The following DCHS1 variants were observed in gnomAD, a reference collection of about 807,000 sequenced individuals.
The protein encoded by DCHS1 is protocadherin-16.
In DCHS1, 78 loss-of-function variants were observed where a neutral mutation model predicts 213.9. The observed-to-expected ratio is 0.36, with a 90% CI of 0.30 to 0.44. The LOEUF (loss-of-function observed/expected upper bound fraction) is 0.44, where lower values mean the gene tolerates loss of function less well. Among genes scored for constraint, DCHS1 ranks in the 20% least tolerant of loss-of-function variants. The pLI is 1.00. For missense variants in DCHS1, 3,946 were observed against 4,395.9 expected (o/e 0.90, Z 2.89); for synonymous variants, 1,828 against 1,873.7 (o/e 0.98, Z 0.63).
At chr11:6,647,876 AG>A in intron 1 of DCHS1, among the ~76,000 whole-genome samples, 1 of 152,314 alleles carries the variant, frequency 6.6e-6, no homozygotes, top group Middle Eastern at 3.4e-3. Flanking sequence ...GTGAAGAATG[AG>A]GCCTCTGGGA....
chr11:6,631,857 A>C, intron 6 of DCHS1, 48 bp from the exon 7 acceptor site: 1 of 1,486,342 alleles, frequency 6.7e-7, no homozygotes, highest in Admixed American at 2.3e-5. Context: ...AAGGATGCAG[A>C]GCCTGAGGCC....
chr11:6,624,924 T>C (rs1032330149), intron 19 of DCHS1, 56 bp from the exon 20 acceptor site: 18 of 1,603,740 alleles, frequency 1.1e-5, no homozygotes, highest in Middle Eastern at 1.7e-4. Flanking sequence ...CTGCTGTCCA[T>C]GCAGCCTGTT....
At chr11:6,655,418 G>A in intron 1 of DCHS1, 145 bp downstream of exon 1, 2 of 396,896 alleles carry the variant, frequency 5.0e-6, no homozygotes, top group Non-Finnish European at 6.8e-6. Flanking sequence ...ACGCCCGCCC[G>A]GGTCCCGCAG....
intron 2 of DCHS1, among the ~76,000 whole-genome samples, chr11:6,638,486 A>G (rs1293546425): frequency 3.3e-5 from 5 of 152,208 alleles, no homozygotes; most frequent in Non-Finnish European, 7.3e-5. Flanking sequence ...CAGCCTGAAC[A>G]ATACAGTCTC....
intron 1 of DCHS1, among the ~76,000 whole-genome samples, chr11:6,652,907 C>G (rs1011042384): frequency 5.3e-5 from 8 of 152,180 alleles, no homozygotes; most frequent in Non-Finnish European, 8.8e-5. Context: ...TCTCTCCGGC[C>G]ACTACTCCAG....
intron 12 of DCHS1, among the ~76,000 whole-genome samples, chr11:6,629,240 G>C (rs1855861009): frequency 6.6e-6 from 1 of 152,348 alleles, no homozygotes; most frequent in South Asian, 2.1e-4. Context: ...ATGCATTTTA[G>C]AATTTGTACG....
rs1855887411 is a variant in DCHS1 at position 6,630,513 on chromosome 11, C to A, written c.4281G>T (p.Gln1427His). ...AGGCGGGCGCATGCTCATTCTCGTCCTGCACTTGCACCTGCACTCGCAGCA... is the reference window on the plus strand; with the variant it reads ...AGGCGGGCGCATGCTCATTCTCGTCATGCACTTGCACCTGCACTCGCAGCA... ...ARLLRVQVQV[Q>H]DENEHAPAFA... The change falls in exon 10 of 21, where the codon CAG becomes CAT. Residue 1427 changes from glutamine (Q) to histidine (H), a missense_variant. By Grantham distance (24) the Gln-to-His change is conservative. Coordinates refer to ENST00000299441, the MANE Select transcript of DCHS1 (RefSeq NM_003737.4). 1 of 1,539,756 alleles carries A rather than the reference C, an allele frequency of 6.5e-7. No homozygotes were observed. The highest frequency in any genetic ancestry group is 1.4e-5 in the African/African-American group (1 of 71,802).
chr11:6,622,660 T>C lies in DCHS1; in HGVS notation c.9016A>G (p.Thr3006Ala). Residue 3006 changes from threonine to alanine, a missense_variant, in exon 21 of 21, where the codon ACT (threonine) becomes GCT (alanine). Coordinates refer to ENST00000299441, the MANE Select transcript of DCHS1 (RefSeq NM_003737.4). This position sits in a 1 kb window ranked among gnomAD's most constrained non-coding sequence, Gnocchi z 5.4. ...CCTGGCCCACCATAGCTGGGAAGAG[T>C]CTGGTGATAGAGGTGCTCAGAGGGT... Reference protein sequence around the residue: ...PPPSEHLYHQTLPSYGGPGAG... With the variant: ...PPPSEHLYHQALPSYGGPGAG... 6.3e-7 allele frequency: 1 copy of C among 1,592,906 alleles called. No homozygotes were observed. Among genetic ancestry groups the C allele is most frequent in the South Asian group, 1.1e-5 (1 of 87,436 alleles).
chr11:6,654,917 CG>C (rs1343056026), intron 1 of DCHS1, among the ~76,000 whole-genome samples: 1 of 152,106 alleles, frequency 6.6e-6, no homozygotes, highest in Non-Finnish European at 1.5e-5. Flanking sequence ...GTCCCCTGCA[CG>C]GGATTCTGAG....
chr11:6,626,898 A>C lies in DCHS1; in HGVS notation c.6141T>G (p.Ala2047=). The C allele has an allele frequency of 6.2e-7, 1 of 1,613,482 alleles. No homozygotes were observed. Among genetic ancestry groups the C allele is most frequent in the Non-Finnish European group, 8.5e-7 (1 of 1,179,874 alleles). ...FIVATDLGRP[A]RSATGVIIVG... ...CAATGATCACACCAGTGGCAGAGCG[A>C]GCTGGACGGCCAAGATCAGTGGCCA... The change falls in exon 14 of 21, where the codon GCT becomes GCG. Residue 2047 remains alanine, a synonymous_variant. Coordinates refer to ENST00000299441, the MANE Select transcript of DCHS1 (RefSeq NM_003737.4). The surrounding 1 kb of genome is among the most constrained non-coding windows in gnomAD (Gnocchi z 5.2).
In DCHS1 at chr11:6,628,578, G is replaced by A; in HGVS notation, c.5371+43C>T. Reference sequence around the variant, plus strand: ...AGCAGCCAAGAAGGAGCAAGAACCAGGCAAGTGGGTGCTGAATTAAGTGGG... The same window carrying A: ...AGCAGCCAAGAAGGAGCAAGAACCAAGCAAGTGGGTGCTGAATTAAGTGGG... On this transcript the variant is annotated intron_variant, in intron 13 of 20. Coordinates refer to ENST00000299441, the MANE Select transcript of DCHS1 (RefSeq NM_003737.4). The surrounding 1 kb of genome is among the most constrained non-coding windows in gnomAD (Gnocchi z 4.3). The A allele has an allele frequency of 1.9e-6, 3 of 1,608,282 alleles. No homozygotes were observed. The highest frequency in any genetic ancestry group is 2.6e-6 in the Non-Finnish European group (3 of 1,175,676).
intron 2 of DCHS1, 98 bp downstream of exon 2, chr11:6,639,719 T>C (rs958621971): frequency 8.6e-6 from 9 of 1,048,540 alleles, no homozygotes; most frequent in Non-Finnish European, 1.2e-5. Flanking sequence ...TAAGTCACCA[T>C]CAACAGATGA....
At position 6,639,859 on chromosome 11, in the gene DCHS1, G is replaced by A. The variant is rs1856039145; in HGVS notation, c.1755C>T (p.Ala585=). 1 of 1,611,448 alleles carries A rather than the reference G, an allele frequency of 6.2e-7. No homozygotes were observed. Residue 585 remains alanine (A), a synonymous_variant, in exon 2 of 21, where the codon GCC becomes GCT. Coordinates refer to ENST00000299441, the MANE Select transcript of DCHS1 (RefSeq NM_003737.4). ...CAGGCTGGGTGCCCTCAGGCAGTGA[G>A]GCATTGTAGAAAGTCCTCTGGAATT... ...EPQFQRTFYN[A]SLPEGTQPGT...
intron 1 of DCHS1, among the ~76,000 whole-genome samples, chr11:6,651,729 C>T (rs1358017698): frequency 6.6e-6 from 1 of 152,104 alleles, no homozygotes; most frequent in Non-Finnish European, 1.5e-5. Context: ...AAGATAGAAC[C>T]AACACGTTCC....
Position 6,634,167 on chromosome 11 carries a change from C to G in DCHS1, c.1937G>C (p.Arg646Pro). ...GDVCTTRTLD[R>P]DQGPSSFDFT... ...GTCAAAGCTTGAGGGCCCCTGGTCA[C>G]GGTCCAGGGTCCGGGTTGTGCACAC... Residue 646 changes from arginine to proline, a missense_variant, in exon 3 of 21, where the codon CGT (arginine) becomes CCT (proline). Transcript: ENST00000299441. 1 of 1,611,898 alleles carries G rather than the reference C, an allele frequency of 6.2e-7. No homozygotes were observed.
chr11:6,646,915 G>C (rs1038769801), intron 1 of DCHS1, among the ~76,000 whole-genome samples: 5 of 152,112 alleles, frequency 3.3e-5, no homozygotes, highest in African/African-American at 1.2e-4. Flanking sequence ...AGGTGGGCTG[G>C]GGGGGAGGAG....
chr11:6,626,701 G>A lies in DCHS1; in HGVS notation c.6251-36C>T, dbSNP rs376053638. The A allele has an allele frequency of 5.6e-6, 9 of 1,611,892 alleles. No homozygotes were observed. Among genetic ancestry groups the A allele is most frequent in the Middle Eastern group, 1.7e-4 (1 of 6,056 alleles). On this transcript the variant is annotated intron_variant, in intron 14 of 20. Coordinates refer to ENST00000299441, the MANE Select transcript of DCHS1 (RefSeq NM_003737.4). This position sits in a 1 kb window ranked among gnomAD's most constrained non-coding sequence, Gnocchi z 5.2. Reference sequence around the variant, plus strand: ...AACGGTATTGTTGGACTGTGAGCGCGAGACTGGGAGAGTTTGGGGGACATT... The same window carrying A: ...AACGGTATTGTTGGACTGTGAGCGCAAGACTGGGAGAGTTTGGGGGACATT...
chr11:6,634,342 C>T (rs771583594), intron 2 of DCHS1, 36 bp from the exon 3 acceptor site: 1 of 1,529,572 alleles, frequency 6.5e-7, no homozygotes, highest in East Asian at 2.3e-5. Flanking sequence ...GTCCCCTCTT[C>T]TTTGCCAGAA....
rs1199752811 is a variant in DCHS1 at position 6,624,304 on chromosome 11, C to T, written c.7372G>A (p.Gly2458Arg). The T allele has an allele frequency of 8.8e-6, 14 of 1,587,362 alleles. No individual in the cohort carries two copies. The highest frequency in any genetic ancestry group is 2.3e-5 in the East Asian group (1 of 43,286). Residue 2458 changes from glycine to arginine, a missense_variant, in exon 21 of 21, where the codon GGG (glycine) becomes AGG (arginine). Around this residue, in one of 3 missense-constraint regions of DCHS1, gnomAD observed 3,384 missense variants for 3,780.1 expected, o/e 0.90. Coordinates refer to ENST00000299441, the MANE Select transcript of DCHS1 (RefSeq NM_003737.4). The stretch of plus-strand genomic sequence containing the variant: ...GCTCGTGCTGCCCGGCCTGGAGCCC[C>T]GTGGTCTCGTGCTTCCAGCACCACA... ...VDVVLEARDHGAPGRAARATV... is the reference protein window; with the variant it reads ...VDVVLEARDHRAPGRAARATV...
Sources: allele counts gnomAD v4.1 joint callset (sites outside exome capture counted in the v4.1 genomes callset), GRCh38; gene constraint gnomAD v4.1.1; regional missense constraint gnomAD v4.1.1; non-coding constraint Gnocchi (gnomAD v3.1); transcripts MANE v1.5; gene names NCBI Gene and HGNC (gene_info 2026-07-23, HGNC 2026-07-21).